Variants in SP6 observed in about 807,000 individuals in gnomAD.
The protein encoded by SP6 is transcription factor Sp6.
Under a neutral mutation model 23.4 loss-of-function variants are expected in SP6, and 10 were observed. The ratio of observed to expected loss-of-function variants is 0.43; its 90% CI spans 0.26 to 0.72. The LOEUF (loss-of-function observed/expected upper bound fraction) is 0.72, where lower values mean the gene tolerates loss of function less well. Among genes scored for constraint, SP6 ranks in the 30% least tolerant of loss-of-function variants. The pLI is 0.23. For missense variants in SP6, 482 were observed against 523.8 expected (o/e 0.92, Z 0.78); for synonymous variants, 238 against 238.7 (o/e 1.00, Z 0.03).
At chr17:47,855,322 T>C (rs2033990566), upstream of SP6, among the ~76,000 whole-genome samples, 1 of 152,234 alleles carries the variant, frequency 6.6e-6, no homozygotes, top group African/African-American at 2.4e-5. Context: ...TCTCCCTTAC[T>C]ATCCTTGCAG....
chr17:47,874,078 T>G, the SP6 span, among the ~76,000 whole-genome samples: 1 of 149,458 alleles, frequency 6.7e-6, no homozygotes, highest in African/African-American at 2.5e-5. Context: ...CCTCCTTCCC[T>G]CCTCCTTCTT....
chr17:47,857,964 C>T (rs1331427015), upstream of SP6, among the ~76,000 whole-genome samples: 2 of 151,896 alleles, frequency 1.3e-5, no homozygotes, highest in Non-Finnish European at 2.9e-5. Flanking sequence ...CTCCCAGCGC[C>T]AGCCCTCGGA....
rs938712958 is a variant in SP6, at chr17:47,846,045, G to A, written c.*1254C>T. 7 of 152,246 alleles carry A rather than the reference G, an allele frequency of 4.6e-5. No individual in the cohort carries two copies. The highest frequency in any genetic ancestry group is 7.3e-5 in the Non-Finnish European group (5 of 68,038). 9.4% of individuals were successfully genotyped at this position (152,246 alleles called of 1,614,324 possible). On this transcript the variant is annotated 3_prime_UTR_variant, in exon 2 of 2. Coordinates refer to ENST00000536300, the MANE Select transcript of SP6 (RefSeq NM_001258248.2). ...AGCATCTAAAGGAGAAGGGAATGGG[G>A]ACAGCTTCCTGGATGTCACCTCAGA...
the SP6 span, among the ~76,000 whole-genome samples, chr17:47,866,100 G>A: frequency 6.6e-6 from 1 of 152,054 alleles, no homozygotes; most frequent in African/African-American, 2.4e-5. Flanking sequence ...TCCAAGCTCT[G>A]GTCTCATGGC....
the SP6 span, among the ~76,000 whole-genome samples, chr17:47,862,227 C>T: frequency 6.6e-6 from 1 of 151,852 alleles, no homozygotes; most frequent in Non-Finnish European, 1.5e-5. Context: ...GCCTATAATC[C>T]CAGCAACTTG....
chr17:47,870,114 C>T, the SP6 span, among the ~76,000 whole-genome samples: 1 of 152,110 alleles, frequency 6.6e-6, no homozygotes, highest in Non-Finnish European at 1.5e-5. Context: ...CACATTGATA[C>T]ACCCTATTCC....
the SP6 span, among the ~76,000 whole-genome samples, chr17:47,867,539 A>C: frequency 6.6e-6 from 1 of 152,210 alleles, no homozygotes; most frequent in African/African-American, 2.4e-5. Flanking sequence ...TAATGATCTC[A>C]GAAAGTGTGG....
At chr17:47,866,979 C>A in the SP6 span, among the ~76,000 whole-genome samples, 1 of 152,026 alleles carries the variant, frequency 6.6e-6, no homozygotes, top group Admixed American at 6.6e-5. Flanking sequence ...TCATCGGACA[C>A]GCCACGCTGG....
At chr17:47,862,979 G>T in the SP6 span, among the ~76,000 whole-genome samples, 1 of 152,266 alleles carries the variant, frequency 6.6e-6, no homozygotes. Flanking sequence ...AAGATAAACA[G>T]GAAGTGCCAA....
the SP6 span, among the ~76,000 whole-genome samples, chr17:47,861,033 G>A: frequency 1.6e-4 from 25 of 152,350 alleles, no homozygotes; most frequent in South Asian, 3.3e-3. Context: ...CCTGGCAGGC[G>A]GAATCAGGCG....
the SP6 span, chr17:47,863,354 AG>A: frequency 2.0e-5 from 3 of 152,160 alleles, no homozygotes; most frequent in East Asian, 5.8e-4. Flanking sequence ...TCATGGAGGC[AG>A]GGGGTTTCGT....
At position 47,845,178 on chromosome 17, in the gene SP6, G is replaced by A. The variant is rs905826867; in HGVS notation, c.*2121C>T. On this transcript the variant is annotated 3_prime_UTR_variant, in exon 2 of 2. Transcript: ENST00000536300. ...CTGTGTCCACCAGCAACACCCATTT[G>A]GGAGTTCCCCTTAGGATGGCCACTG... 6.6e-6 allele frequency: 1 copy of A among 152,168 alleles called. No homozygotes were observed. The highest frequency in any genetic ancestry group is 6.5e-5 in the Admixed American group (1 of 15,276). 9.4% of individuals were successfully genotyped at this position (152,168 alleles called of 1,614,324 possible).
chr17:47,850,417 A>G (rs944892364), intron 1 of SP6, among the ~76,000 whole-genome samples: 1 of 152,144 alleles, frequency 6.6e-6, no homozygotes, highest in Non-Finnish European at 1.5e-5. Flanking sequence ...TGGGGGTGAT[A>G]TGGAGCCACC....
rs774023334 is a variant in SP6, at chr17:47,848,036, G to GGTCCATCCA, written c.385_393dup (p.Trp129_Asp131dup). ...GTCAGCGCGCCCTGAGTGTGGGGGAGGTCCATCCAGCTGGTGCCCGGATGA... is the reference window on the plus strand; with the variant it reads ...GTCAGCGCGCCCTGAGTGTGGGGGAGGTCCATCCAGTCCATCCAGCTGGTGCCCGGATGA... On this transcript the variant is annotated inframe_insertion, in exon 2 of 2. Coordinates refer to ENST00000536300, the MANE Select transcript of SP6 (RefSeq NM_001258248.2). The surrounding 1 kb of genome is among the most constrained non-coding windows in gnomAD (Gnocchi z 5.3). The GGTCCATCCA allele has an allele frequency of 6.2e-7, 1 of 1,612,090 alleles. No homozygotes were observed. The highest frequency in any genetic ancestry group is 8.5e-7 in the Non-Finnish European group (1 of 1,179,502).
the SP6 span, among the ~76,000 whole-genome samples, chr17:47,864,165 A>G: frequency 5.3e-5 from 8 of 151,678 alleles, no homozygotes; most frequent in Non-Finnish European, 1.2e-4. Context: ...TCTTAATGAG[A>G]GCATTGATTA....
chr17:47,851,631 A>C (rs2143656352), upstream of SP6, among the ~76,000 whole-genome samples: 1 of 152,262 alleles, frequency 6.6e-6, no homozygotes, highest in African/African-American at 2.4e-5. Context: ...ATTGAGCGCC[A>C]AGTATGTTTC....
rs1240399557 is a variant in SP6, at chr17:47,848,839, TC to T, written c.-57-354del. ...GCCAACACAAGGGGCAGTGGCATTTTCCCCCTGCAGACCTGCTGTCAGCCCA... is the reference window on the plus strand; with the variant it reads ...GCCAACACAAGGGGCAGTGGCATTTTCCCCTGCAGACCTGCTGTCAGCCCA... On this transcript the variant is annotated intron_variant, in intron 1 of 1. Coordinates refer to ENST00000536300, the MANE Select transcript of SP6 (RefSeq NM_001258248.2). The surrounding 1 kb of genome is among the most constrained non-coding windows in gnomAD (Gnocchi z 5.3). Among the ~76,000 whole-genome samples, 1 of 151,930 alleles carries T rather than the reference TC, an allele frequency of 6.6e-6. No individual in the cohort carries two copies. The highest frequency in any genetic ancestry group is 6.6e-5 in the Admixed American group (1 of 15,266).
Position 47,846,871 on chromosome 17 carries a change from T to G in SP6, c.*428A>C. ...GCCGCAGGGCGGCTCCGGAGGCGCTTTTATGTCCTGGTTCCCAGGCGCTAA... is the reference window on the plus strand; with the variant it reads ...GCCGCAGGGCGGCTCCGGAGGCGCTGTTATGTCCTGGTTCCCAGGCGCTAA... On this transcript the variant is annotated 3_prime_UTR_variant, in exon 2 of 2. Transcript: ENST00000536300. The G allele has an allele frequency of 2.4e-5, 4 of 163,316 alleles. No individual in the cohort carries two copies. The highest frequency in any genetic ancestry group is 2.0e-4 in the South Asian group (1 of 4,990). The allele number at this position is 163,316 out of a possible 1,614,324, so 10.1% of individuals were successfully genotyped here.
rs1480902692 is a variant in SP6, at chr17:47,847,800, C to A, written c.630G>T (p.Ala210=). ...CCGACCGCCGGGAGCCTTTGGGACGCGCCGCCCCGTCCAGGCTGGAATCCA... is the reference window on the plus strand; with the variant it reads ...CCGACCGCCGGGAGCCTTTGGGACGAGCCGCCCCGTCCAGGCTGGAATCCA... ...QGLDSSLDGA[A]RPKGSRRSVP... The change falls in exon 2 of 2, where the codon GCG becomes GCT. Residue 210 remains alanine, a synonymous_variant. Transcript: ENST00000536300. 1 of 1,537,168 alleles carries A rather than the reference C, an allele frequency of 6.5e-7. No individual in the cohort carries two copies. The highest frequency in any genetic ancestry group is 2.3e-5 in the East Asian group (1 of 44,200).
Sources: allele counts gnomAD v4.1 joint callset (sites outside exome capture counted in the v4.1 genomes callset), GRCh38; gene constraint gnomAD v4.1.1; non-coding constraint Gnocchi (gnomAD v3.1); transcripts MANE v1.5; gene names NCBI Gene and HGNC (gene_info 2026-07-23, HGNC 2026-07-21).